Variants in INPP4B observed in about 807,000 individuals in gnomAD.
INPP4B encodes inositol polyphosphate 4-phosphatase type II.
Under a neutral mutation model 122.5 loss-of-function variants are expected in INPP4B, and 55 were observed. The ratio of observed to expected loss-of-function variants is 0.45; its 90% CI spans 0.36 to 0.56. The LOEUF (loss-of-function observed/expected upper bound fraction) is 0.56, where lower values mean the gene tolerates loss of function less well. INPP4B is among the 20% of genes least tolerant of loss of function. The pLI, the probability that INPP4B is intolerant of heterozygous loss-of-function variation, is 0.00. For missense variants in INPP4B, 1,000 were observed against 1,097.7 expected (o/e 0.91, Z 1.26); for synonymous variants, 403 against 388.7 (o/e 1.04, Z -0.43).
intron 2 of INPP4B, among the ~76,000 whole-genome samples, chr4:142,583,050 C>A (rs144141869): frequency 2.8e-4 from 42 of 152,160 alleles, no homozygotes; most frequent in African/African-American, 1.0e-3. Context: ...ACCTGTGTGA[C>A]CTCAAGGAAA....
intron 2 of INPP4B, among the ~76,000 whole-genome samples, chr4:142,474,003 C>T (rs537863617): frequency 1.3e-5 from 2 of 152,298 alleles, no homozygotes; most frequent in South Asian, 4.1e-4. Flanking sequence ...TAAGGCATAG[C>T]TTCCTGTTGT....
rs374305261 is a variant in INPP4B at position 142,624,783 on chromosome 4, A to G, written c.-191+101056T>C. ...CAGCACATCAAAAAGCTTATCCAACATGATCAAGTGGGCTTCATCCCTGGG... is the reference window on the plus strand; with the variant it reads ...CAGCACATCAAAAAGCTTATCCAACGTGATCAAGTGGGCTTCATCCCTGGG... On this transcript the variant is annotated intron_variant, in intron 2 of 25. Transcript: ENST00000262992. 6.5e-4 allele frequency among the ~76,000 whole-genome samples: 99 copies of G among 152,310 alleles called. 2 individuals carry two copies. In the East Asian group the frequency reaches 0.019, roughly 29 times the overall value.
At position 142,686,023 on chromosome 4, in the gene INPP4B, C is replaced by T. The variant is rs145342167; in HGVS notation, c.-191+39816G>A. On this transcript the variant is annotated intron_variant, in intron 2 of 25. Transcript: ENST00000262992. ...AGCCTCGCTTTGAATTCTGAATACA[C>T]CAAAATCTCTATAGGCTGTTGACCG... is the stretch of plus-strand genomic sequence containing the variant. Among the ~76,000 whole-genome samples the T allele has an allele frequency of 5.8e-3, 878 of 152,122 alleles. 15 individuals are homozygous for T. Among genetic ancestry groups the T allele is most frequent in the African/African-American group, 0.02 (841 of 41,500 alleles).
chr4:142,485,724 A>C (rs576018905), intron 2 of INPP4B, among the ~76,000 whole-genome samples: 17 of 152,324 alleles, frequency 1.1e-4, no homozygotes, highest in Middle Eastern at 3.4e-3. Flanking sequence ...TTAATCTACC[A>C]TTTAAAAAAT....
intron 12 of INPP4B, among the ~76,000 whole-genome samples, chr4:142,223,787 A>C (rs566357828): frequency 2.0e-4 from 31 of 152,340 alleles, no homozygotes; most frequent in African/African-American, 6.7e-4. Context: ...AGAAGAAATA[A>C]TATTAATCAG....
At chr4:142,265,958 G>A (rs915681674) in intron 10 of INPP4B, among the ~76,000 whole-genome samples, 1 of 152,182 alleles carries the variant, frequency 6.6e-6, no homozygotes, top group Non-Finnish European at 1.5e-5. Flanking sequence ...GAGTCAAAAG[G>A]TGGGCTAGTT....
Position 142,752,989 on chromosome 4 carries a change from A to C in INPP4B, c.-253-27088T>G, listed in dbSNP as rs193040892. 1.1e-4 allele frequency among the ~76,000 whole-genome samples: 16 copies of C among 152,230 alleles called. No individual in the cohort carries two copies. The East Asian group carries it at 3.1e-3, about 29-fold the overall frequency. On this transcript the variant is annotated intron_variant, in intron 1 of 25. Coordinates refer to ENST00000262992, the MANE Select transcript of INPP4B (RefSeq NM_001101669.3). Reference sequence around the variant, plus strand: ...TATAGATCTGGTTCAGAAGAGTATAAATAATTTCTTGCACACCCTGCCTAG... The same window carrying C: ...TATAGATCTGGTTCAGAAGAGTATACATAATTTCTTGCACACCCTGCCTAG...
At chr4:142,160,069 A>G (rs1819338423) in intron 17 of INPP4B, among the ~76,000 whole-genome samples, 1 of 152,012 alleles carries the variant, frequency 6.6e-6, no homozygotes, top group Non-Finnish European at 1.5e-5. Flanking sequence ...CATGTTTTAT[A>G]TAGTTTGGCA....
At chr4:142,411,452 T>A (rs940189804) in intron 5 of INPP4B, among the ~76,000 whole-genome samples, 2 of 152,222 alleles carry the variant, frequency 1.3e-5, no homozygotes, top group African/African-American at 4.8e-5. Flanking sequence ...GATAGAAGCA[T>A]ACCTTCGAAT....
chr4:142,405,159 A>AAGAG (rs3076598), intron 6 of INPP4B, 47 bp downstream of exon 6: 17,630 of 952,276 alleles, frequency 0.019, 1 homozygote, highest in East Asian at 0.046. Context: ...GCGAGCCAGC[A>AAGAG]AGAGAGAGAG....
At chr4:142,243,035 G>T (rs1001647950) in intron 11 of INPP4B, among the ~76,000 whole-genome samples, 1 of 152,160 alleles carries the variant, frequency 6.6e-6, no homozygotes, top group African/African-American at 2.4e-5. Flanking sequence ...CCCATGAAGA[G>T]AGCAGGTACA....
At chr4:142,232,140 T>C (rs931151932) in intron 12 of INPP4B, among the ~76,000 whole-genome samples, 24 of 152,200 alleles carry the variant, frequency 1.6e-4, no homozygotes, top group African/African-American at 5.8e-4. Context: ...TTACCCCTCA[T>C]GTAGGGCATG....
At chr4:142,039,488 T>A (rs996741877) in intron 25 of INPP4B, among the ~76,000 whole-genome samples, 2 of 152,134 alleles carry the variant, frequency 1.3e-5, no homozygotes, top group African/African-American at 4.8e-5. Context: ...TTTCAGAGGA[T>A]GTCTAAACAT....
At chr4:142,582,663 C>A (rs1356675992) in intron 2 of INPP4B, among the ~76,000 whole-genome samples, 1 of 152,074 alleles carries the variant, frequency 6.6e-6, no homozygotes, top group Admixed American at 6.6e-5. Flanking sequence ...CTTGCAATAA[C>A]GAGTTTGGTG....
intron 23 of INPP4B, among the ~76,000 whole-genome samples, chr4:142,096,887 G>A (rs1782052725): frequency 6.6e-6 from 1 of 152,146 alleles, no homozygotes; most frequent in African/African-American, 2.4e-5. Flanking sequence ...TTGACTGGGA[G>A]TCAGAGAACA....
At chr4:142,685,647 C>T (rs1198246464) in intron 2 of INPP4B, among the ~76,000 whole-genome samples, 1 of 152,024 alleles carries the variant, frequency 6.6e-6, no homozygotes, top group African/African-American at 2.4e-5. Context: ...GTAATCTCAA[C>T]ACTTTGTGAG....
In INPP4B at chr4:142,561,453, C is replaced by G. The variant is rs552210928; in HGVS notation, c.-190-98727G>C. On this transcript the variant is annotated intron_variant, in intron 2 of 25. Transcript: ENST00000262992. ...TTGTTTTTTGAGACGGAGTCTTGCT[C>G]TGTTGCCCAGGTTGGAGTGTAGTGG... 7.2e-5 allele frequency among the ~76,000 whole-genome samples: 11 copies of G among 152,074 alleles called. No homozygotes were observed. In the East Asian group the frequency reaches 1.9e-3, roughly 27 times the overall value.
chr4:142,727,514 T>C (rs1411445263), intron 1 of INPP4B, among the ~76,000 whole-genome samples: 3 of 152,150 alleles, frequency 2.0e-5, no homozygotes, highest in East Asian at 1.9e-4. Context: ...AGATAATACA[T>C]AGAGTTTTGA....
At chr4:142,725,583 A>G (rs1765243494) in intron 2 of INPP4B, among the ~76,000 whole-genome samples, 1 of 152,156 alleles carries the variant, frequency 6.6e-6, no homozygotes, top group Non-Finnish European at 1.5e-5. Flanking sequence ...CTATTTATAT[A>G]TTAACATAAA....
Sources: allele counts gnomAD v4.1 joint callset (sites outside exome capture counted in the v4.1 genomes callset), GRCh38; gene constraint gnomAD v4.1.1; transcripts MANE v1.5; gene names NCBI Gene and HGNC (gene_info 2026-07-23, HGNC 2026-07-21).